MMP16: variants seen among roughly 807,000 people sequenced by gnomAD.
MMP16 encodes matrix metallopeptidase 16.
A neutral mutation model predicts 67.8 loss-of-function variants in MMP16; 12 were observed. The observed-to-expected ratio is 0.18, with a 90% CI of 0.11 to 0.29. The LOEUF is 0.29. Among genes scored for constraint, MMP16 ranks in the 10% least tolerant of loss-of-function variants. The probability of loss-of-function intolerance (pLI) is 1.00; values close to 1 mark genes in which losing one functional copy is unlikely to be tolerated. For missense variants in MMP16, 475 were observed against 765.7 expected (o/e 0.62, Z 4.48); for synonymous variants, 249 against 255.9 (o/e 0.97, Z 0.26).
intron 1 of MMP16, among the ~76,000 whole-genome samples, chr8:88,273,186 C>A (rs1172357137): frequency 6.7e-6 from 1 of 150,284 alleles, no homozygotes; most frequent in Non-Finnish European, 1.5e-5. Flanking sequence ...CAGGTTTGGG[C>A]AATTTCTCTT....
At chr8:88,149,374 C>T (rs1181510135) in intron 4 of MMP16, among the ~76,000 whole-genome samples, 1 of 152,166 alleles carries the variant, frequency 6.6e-6, no homozygotes, top group Non-Finnish European at 1.5e-5. Context: ...TCAAGGAGGC[C>T]TGCCTGCCTC....
At chr8:88,108,202 TGAA>T (rs1306541278) in intron 6 of MMP16, among the ~76,000 whole-genome samples, 3 of 151,218 alleles carry the variant, frequency 2.0e-5, no homozygotes, top group Admixed American at 6.6e-5. Context: ...TTAAAAATAA[TGAA>T]GAATTCTATA....
At chr8:88,206,627 A>G (rs1809431203) in intron 1 of MMP16, among the ~76,000 whole-genome samples, 2 of 152,216 alleles carry the variant, frequency 1.3e-5, no homozygotes, top group Admixed American at 1.3e-4. Flanking sequence ...ATACATAATT[A>G]TCTTACTTTT....
chr8:88,308,754 T>C (rs187887390), intron 1 of MMP16, among the ~76,000 whole-genome samples: 6 of 152,048 alleles, frequency 3.9e-5, no homozygotes, highest in South Asian at 2.1e-4. Flanking sequence ...AAACTGAAAG[T>C]TATAACATAA....
At chr8:88,206,798 T>C (rs1809434521) in intron 1 of MMP16, among the ~76,000 whole-genome samples, 1 of 152,174 alleles carries the variant, frequency 6.6e-6, no homozygotes, top group Non-Finnish European at 1.5e-5. Flanking sequence ...ATAAAATTGG[T>C]TATGTTACAC....
chr8:88,246,353 A>G (rs1314321569), intron 1 of MMP16, among the ~76,000 whole-genome samples: 1 of 152,170 alleles, frequency 6.6e-6, no homozygotes, highest in Non-Finnish European at 1.5e-5. Flanking sequence ...GTTACAGGCA[A>G]CCAGACACAT....
intron 3 of MMP16, among the ~76,000 whole-genome samples, chr8:88,179,944 T>C (rs12547854): frequency 0.94 from 143,410 of 152,256 alleles, 68,134 homozygotes; most frequent in East Asian, 1. Flanking sequence ...CAAATAGTTA[T>C]ATATGTTGTA....
intron 1 of MMP16, among the ~76,000 whole-genome samples, chr8:88,218,543 T>G (rs955343973): frequency 3.3e-5 from 5 of 152,050 alleles, no homozygotes; most frequent in African/African-American, 1.2e-4. Flanking sequence ...AATAACTTGA[T>G]AGTGGTAATT....
intron 6 of MMP16, among the ~76,000 whole-genome samples, chr8:88,092,391 A>G (rs987407882): frequency 5.9e-5 from 9 of 151,942 alleles, no homozygotes; most frequent in Non-Finnish European, 1.0e-4. Flanking sequence ...GATCCTTCGG[A>G]AACTACAGTA....
chr8:88,154,027 A>G (rs1469730211), intron 4 of MMP16, among the ~76,000 whole-genome samples: 2 of 148,340 alleles, frequency 1.3e-5, no homozygotes, highest in African/African-American at 5.0e-5. Flanking sequence ...CAAGAAAAAA[A>G]CAAACAACCC....
chr8:88,184,744 C>A, intron 3 of MMP16, among the ~76,000 whole-genome samples: 1 of 18,778 alleles, frequency 5.3e-5, no homozygotes, highest in African/African-American at 2.7e-4. Context: ...GAGGCCCTGT[C>A]TCAAAAAAAA....
chr8:88,245,264 TGG>T (rs1057211792), intron 1 of MMP16, among the ~76,000 whole-genome samples: 1 of 152,218 alleles, frequency 6.6e-6, no homozygotes, highest in African/African-American at 2.4e-5. Context: ...TCTTCCCACC[TGG>T]GGACCAATAA....
intron 1 of MMP16, among the ~76,000 whole-genome samples, chr8:88,220,561 T>C (rs1809666070): frequency 6.6e-6 from 1 of 151,938 alleles, no homozygotes; most frequent in African/African-American, 2.4e-5. Context: ...TGAACATAGG[T>C]AGTGTCGTAC....
intron 8 of MMP16, among the ~76,000 whole-genome samples, chr8:88,048,169 A>C (rs746042542): frequency 1.3e-5 from 2 of 152,160 alleles, no homozygotes; most frequent in South Asian, 4.1e-4. Flanking sequence ...TTCAAAGTGG[A>C]CCTGTTGATG....
chr8:88,064,628 AAC>A (rs1323053073), intron 7 of MMP16, among the ~76,000 whole-genome samples: 7 of 152,260 alleles, frequency 4.6e-5, no homozygotes, highest in African/African-American at 7.2e-5. Context: ...AAATGGTTAT[AAC>A]ACAGTATTTC....
chr8:88,037,036 G>T lies in MMP16; in HGVS notation c.*4425C>A, dbSNP rs867304454. 2.0e-5 allele frequency: 3 copies of T among 150,950 alleles called. No individual in the cohort carries two copies. Among genetic ancestry groups the T allele is most frequent in the Middle Eastern group, 3.4e-3 (1 of 294 alleles). The allele number at this position is 150,950 out of a possible 1,614,324, so 9.4% of individuals were successfully genotyped here. A position where few individuals can be genotyped will look rare whatever the true frequency, so the allele number is the denominator to read the frequency against. Reference sequence around the variant, plus strand: ...TGCTTATAACATCCATTCCTCTTCAGATAGCACTTTGAGTTTAGTTAATAT... The same window carrying T: ...TGCTTATAACATCCATTCCTCTTCATATAGCACTTTGAGTTTAGTTAATAT... On this transcript the variant is annotated 3_prime_UTR_variant, in exon 10 of 10. Transcript: ENST00000286614.
At chr8:88,135,248 T>A (rs779123657) in intron 4 of MMP16, among the ~76,000 whole-genome samples, 3 of 151,826 alleles carry the variant, frequency 2.0e-5, no homozygotes, top group Non-Finnish European at 4.4e-5. Flanking sequence ...TAAGGGAGAC[T>A]GATAAACTCA....
intron 1 of MMP16, among the ~76,000 whole-genome samples, chr8:88,221,311 A>G (rs1809678932): frequency 6.6e-6 from 1 of 152,136 alleles, no homozygotes; most frequent in Non-Finnish European, 1.5e-5. Flanking sequence ...TGAAATCTGA[A>G]AGTACAGATT....
At chr8:88,128,780 A>G (rs968074863) in intron 4 of MMP16, among the ~76,000 whole-genome samples, 1 of 151,864 alleles carries the variant, frequency 6.6e-6, no homozygotes, top group African/African-American at 2.4e-5. Flanking sequence ...TGGATCCCCA[A>G]GAAAATACTG....
Sources: gnomAD v4.1 joint callset for allele counts (sites outside exome capture counted in the v4.1 genomes callset) on GRCh38, gnomAD v4.1.1 for gene constraint, MANE v1.5 for transcripts, NCBI Gene and HGNC (gene_info 2026-07-23, HGNC 2026-07-21) for gene names.